Variants in TMPRSS12 observed in about 807,000 individuals in gnomAD.
TMPRSS12 encodes transmembrane serine protease 12, also known as transmembrane protease serine 12.
A neutral mutation model predicts 26.0 loss-of-function variants in TMPRSS12; 25 were observed. The ratio of observed to expected loss-of-function variants is 0.96; its 90% confidence interval spans 0.70 to 1.34. The LOEUF is 1.34. TMPRSS12 is among the 40% of genes most tolerant of loss of function. The pLI is 0.00. For synonymous variants in TMPRSS12, 150 were observed against 161.7 expected (o/e 0.93, Z 0.55); for missense variants, 441 against 440.1 (o/e 1.00, Z -0.02).
At chr12:50,885,206 G>A (rs1938213117) in intron 3 of TMPRSS12, 40 bp from the exon 4 acceptor site, 26 of 1,535,666 alleles carry the variant, frequency 1.7e-5, no homozygotes, top group Non-Finnish European at 2.2e-5. Context: ...CTGTAAAAAT[G>A]TCTGCTCCAA....
chr12:50,876,233 T>TA (rs1313483554), intron 3 of TMPRSS12, among the ~76,000 whole-genome samples: 4 of 152,006 alleles, frequency 2.6e-5, no homozygotes, highest in African/African-American at 9.7e-5. Context: ...TGGCTATTGC[T>TA]AAAAAAACCA....
chr12:50,872,927 G>GACGTATAT (rs1344124939), intron 3 of TMPRSS12, among the ~76,000 whole-genome samples: 7 of 61,184 alleles, frequency 1.1e-4, no homozygotes, highest in African/African-American at 3.2e-4. Context: ...GTACATATAT[G>GACGTATAT]ATGTATATAT....
rs151334095 is a variant in TMPRSS12 at position 50,859,732 on chromosome 12, C to T, written c.652+679C>T. 2.6e-4 allele frequency among the ~76,000 whole-genome samples: 39 copies of T among 152,256 alleles called. No homozygotes were observed. The East Asian group carries it at 6.2e-3, about 24-fold the overall frequency. On this transcript the variant is annotated intron_variant, in intron 3 of 4. Transcript: ENST00000398458. ...CAGCTGTCTACAATACTTAGTACAG[C>T]GGAACAGGTGTGTAGCCTAGAAGTA... is the stretch of plus-strand genomic sequence containing the variant.
intron 2 of TMPRSS12, among the ~76,000 whole-genome samples, chr12:50,854,846 C>A (rs1937860903): frequency 6.6e-6 from 1 of 152,178 alleles, no homozygotes; most frequent in Admixed American, 6.5e-5. Context: ...ATTCCATGCT[C>A]ATGGATAGGA....
chr12:50,880,609 A>G (rs889567423), intron 3 of TMPRSS12, among the ~76,000 whole-genome samples: 1 of 150,626 alleles, frequency 6.6e-6, no homozygotes, highest in African/African-American at 2.4e-5. Flanking sequence ...CCTGTTAAGC[A>G]TAGTTACCAT....
intron 3 of TMPRSS12, among the ~76,000 whole-genome samples, chr12:50,869,883 G>T (rs1273500740): frequency 6.6e-6 from 1 of 152,216 alleles, no homozygotes; most frequent in Non-Finnish European, 1.5e-5. Context: ...AGGAGTTTGA[G>T]ACCAGCCTGG....
At chr12:50,853,106 A>C (rs942836484) in intron 2 of TMPRSS12, among the ~76,000 whole-genome samples, 2 of 152,220 alleles carry the variant, frequency 1.3e-5, no homozygotes, top group South Asian at 2.1e-4. Context: ...AAATTTTTAA[A>C]ACCCAAAATC....
chr12:50,887,356 G>A lies in TMPRSS12; in HGVS notation c.890G>A (p.Arg297Lys). ...AGTTACGGACATGGCTGTGGTCGAAGAGGTTTTCCTGGTGTCTATATTGGG... is the reference window on the plus strand; with the variant it reads ...AGTTACGGACATGGCTGTGGTCGAAAAGGTTTTCCTGGTGTCTATATTGGG... ...ITSYGHGCGR[R>K]GFPGVYIGPS... is the part of the protein sequence containing the mutation. Residue 297 changes from arginine to lysine, a missense_variant, in exon 5 of 5, where the codon AGA becomes AAA. Transcript: ENST00000398458. 6.2e-7 allele frequency: 1 copy of A among 1,613,962 alleles called. No individual in the cohort carries two copies.
At chr12:50,880,797 T>C in intron 3 of TMPRSS12, among the ~76,000 whole-genome samples, 1 of 151,962 alleles carries the variant, frequency 6.6e-6, no homozygotes, top group East Asian at 1.9e-4. Context: ...AACAGAACAC[T>C]ATCCCACAAC....
chr12:50,844,164 T>C (rs1937746160), intron 2 of TMPRSS12, 127 bp downstream of exon 2: 3 of 591,380 alleles, frequency 5.1e-6, no homozygotes, highest in Non-Finnish European at 7.9e-6. Flanking sequence ...TTATATATAG[T>C]ACAGTGTATT....
intron 2 of TMPRSS12, among the ~76,000 whole-genome samples, chr12:50,855,439 A>G (rs1937866647): frequency 6.6e-6 from 1 of 152,240 alleles, no homozygotes; most frequent in African/African-American, 2.4e-5. Context: ...CATATGGCCA[A>G]GAAACATATG....
chr12:50,873,019 G>T (rs1938081646), intron 3 of TMPRSS12, among the ~76,000 whole-genome samples: 1 of 149,986 alleles, frequency 6.7e-6, no homozygotes, highest in Non-Finnish European at 1.5e-5. Flanking sequence ...AAAAAAGAAT[G>T]AATTAACGGC....
chr12:50,845,865 A>G lies in TMPRSS12; in HGVS notation c.383+1828A>G, dbSNP rs570854889. Among the ~76,000 whole-genome samples the G allele has an allele frequency of 3.5e-4, 53 of 152,302 alleles. No individual in the cohort carries two copies. In the South Asian group the frequency reaches 0.011, roughly 31 times the overall value. On this transcript the variant is annotated intron_variant, in intron 2 of 4. Coordinates refer to ENST00000398458, the MANE Select transcript of TMPRSS12 (RefSeq NM_182559.3). ...GAAATGGTAGCTCATTGTGGCTTTT[A>G]TTTCCATTTCCCAAATTACTAGTGA... is the stretch of plus-strand genomic sequence containing the variant.
At chr12:50,879,383 A>C (rs1938143545) in intron 3 of TMPRSS12, among the ~76,000 whole-genome samples, 1 of 152,244 alleles carries the variant, frequency 6.6e-6, no homozygotes, top group Admixed American at 6.5e-5. Flanking sequence ...AAAGAGCTGC[A>C]AATATCTCCA....
At chr12:50,872,551 GA>G (rs1419005207) in intron 3 of TMPRSS12, among the ~76,000 whole-genome samples, 1 of 102,318 alleles carries the variant, frequency 9.8e-6, no homozygotes, top group African/African-American at 3.7e-5. Flanking sequence ...AAGGAACTGT[GA>G]AAAAAATATA....
Position 50,858,117 on chromosome 12 carries a change from C to T in TMPRSS12, c.384-668C>T, listed in dbSNP as rs1003526837. Among the ~76,000 whole-genome samples, 38 of 152,204 alleles carry T rather than the reference C, an allele frequency of 2.5e-4. 1 individual carries two copies. Among genetic ancestry groups the T allele is most frequent in the Admixed American group, 2.2e-3 (33 of 15,276 alleles). ...TTGGCCTCCCAAAGTGCTGGGATTA[C>T]AGGCGTGAGCCACTGCACCCAGCCC... On this transcript the variant is annotated intron_variant, in intron 2 of 4. Coordinates refer to ENST00000398458, the MANE Select transcript of TMPRSS12 (RefSeq NM_182559.3).
chr12:50,843,432 C>T (rs927652623), intron 1 of TMPRSS12, among the ~76,000 whole-genome samples: 9 of 152,042 alleles, frequency 5.9e-5, no homozygotes, highest in Non-Finnish European at 1.0e-4. Flanking sequence ...AAAGGGAGGG[C>T]TATTAGGTGA....
intron 3 of TMPRSS12, among the ~76,000 whole-genome samples, chr12:50,872,549 G>T (rs1249821215): frequency 8.7e-6 from 1 of 114,414 alleles, no homozygotes; most frequent in African/African-American, 3.4e-5. Flanking sequence ...AAAAGGAACT[G>T]TGAAAAAAAT....
At chr12:50,860,687 G>A (rs905097842) in intron 3 of TMPRSS12, among the ~76,000 whole-genome samples, 1 of 152,124 alleles carries the variant, frequency 6.6e-6, no homozygotes, top group Admixed American at 6.5e-5. Flanking sequence ...ATGGCTCACT[G>A]TAACCTTTAC....
Sources: gnomAD v4.1 joint callset for allele counts (sites outside exome capture counted in the v4.1 genomes callset) on GRCh38, gnomAD v4.1.1 for gene constraint, MANE v1.5 for transcripts, NCBI Gene and HGNC (gene_info 2026-07-23, HGNC 2026-07-21) for gene names.